The following GYPE variants were observed in gnomAD, a reference collection of about 807,000 sequenced individuals.
GYPE encodes glycophorin E (MNS blood group).
GYPE carries 8 observed loss-of-function variants against 11.6 expected under a neutral mutation model. The observed-to-expected ratio is 0.69, with a 90% CI of 0.41 to 1.25. The LOEUF is 1.25. GYPE is among the 50% of genes most tolerant of loss of function. The pLI is 0.01. For synonymous variants in GYPE, 28 were observed against 29.6 expected, an observed-to-expected ratio of 0.94 and a Z score of 0.18; for missense variants, 90 against 92.8, an observed-to-expected ratio of 0.97 and a Z score of 0.12.
intron 1 of GYPE, among the ~76,000 whole-genome samples, chr4:143,881,770 C>A (rs1744030480): frequency 6.6e-6 from 1 of 152,098 alleles, no homozygotes; most frequent in African/African-American, 2.4e-5. Context: ...AACGTCAGTA[C>A]CCTGAACTCT....
In GYPE at chr4:143,902,336, C is replaced by T. The variant is rs548521609; in HGVS notation, c.37+3135G>A. Among the ~76,000 whole-genome samples the T allele has an allele frequency of 2.6e-3, 104 of 40,136 alleles. No individual in the cohort carries two copies. In the Middle Eastern group the frequency reaches 0.058, roughly 22 times the overall value. 26.3% of individuals were successfully genotyped at this position (40,136 alleles called of 152,430 possible). On this transcript the variant is annotated intron_variant, in intron 1 of 3. Transcript: ENST00000358615. Reference sequence around the variant, plus strand: ...AGCTAGCAAGGCTCTCTTCTTGGATCCCTGAAAAAAAAAAAAAAAAAAGAG... The same window carrying T: ...AGCTAGCAAGGCTCTCTTCTTGGATTCCTGAAAAAAAAAAAAAAAAAAGAG...
chr4:143,897,657 G>A (rs909680920), intron 1 of GYPE, among the ~76,000 whole-genome samples: 4 of 152,064 alleles, frequency 2.6e-5, no homozygotes, highest in African/African-American at 9.7e-5. Flanking sequence ...GATGAACCTG[G>A]TTATACCCTA....
chr4:143,889,339 G>C (rs1039032905), intron 1 of GYPE, among the ~76,000 whole-genome samples: 3 of 152,116 alleles, frequency 2.0e-5, no homozygotes, highest in African/African-American at 7.2e-5. Flanking sequence ...ACATTCTTCA[G>C]CCTGGACAGA....
chr4:143,882,749 T>C (rs901181149), intron 1 of GYPE, among the ~76,000 whole-genome samples: 1 of 152,178 alleles, frequency 6.6e-6, no homozygotes, highest in African/African-American at 2.4e-5. Flanking sequence ...CTCCACTCCT[T>C]CTTTACACCT....
At chr4:143,899,345 T>G (rs1375186548) in intron 1 of GYPE, among the ~76,000 whole-genome samples, 1 of 152,208 alleles carries the variant, frequency 6.6e-6, no homozygotes. Context: ...ACCTGAGACC[T>G]TGCAAAATTA....
rs1273403341 is a variant in GYPE, at chr4:143,872,233, A to C, written c.*29T>G. 3 of 152,404 alleles carry C rather than the reference A, an allele frequency of 2.0e-5. No individual in the cohort carries two copies. Among genetic ancestry groups the C allele is most frequent in the Non-Finnish European group, 4.4e-5 (3 of 68,004 alleles). The allele number at this position is 152,404 out of a possible 1,614,324, so 9.4% of individuals were successfully genotyped here. On this transcript the variant is annotated 3_prime_UTR_variant, in exon 4 of 4. Coordinates refer to ENST00000358615, the MANE Select transcript of GYPE (RefSeq NM_198682.3). Reference sequence around the variant, plus strand: ...TTCTTTGCTTTCTTCCTCTAATCTCAATCCCAGAGGCATGAAAACCTAGAA... The same window carrying C: ...TTCTTTGCTTTCTTCCTCTAATCTCCATCCCAGAGGCATGAAAACCTAGAA...
chr4:143,901,310 T>C (rs1744856506), intron 1 of GYPE, among the ~76,000 whole-genome samples: 2 of 152,148 alleles, frequency 1.3e-5, no homozygotes, highest in Admixed American at 6.6e-5. Flanking sequence ...GAAAGACTTC[T>C]TAGAAAGCAG....
Position 143,878,977 on chromosome 4 carries a change from C to G in GYPE, c.136+1434G>C, listed in dbSNP as rs150164057. On this transcript the variant is annotated intron_variant, in intron 2 of 3. Coordinates refer to ENST00000358615, the MANE Select transcript of GYPE (RefSeq NM_198682.3). The stretch of plus-strand genomic sequence containing the variant: ...TGGAAGAATCACTTATTGACTTCCA[C>G]AAGAAGCAATGCATTTTTAAAAAAT... 4.9e-4 allele frequency among the ~76,000 whole-genome samples: 75 copies of G among 152,214 alleles called. 1 individual carries two copies. The East Asian group carries it at 0.012, about 24-fold the overall frequency.
intron 3 of GYPE, among the ~76,000 whole-genome samples, chr4:143,876,185 T>C (rs1379016354): frequency 6.6e-6 from 1 of 152,010 alleles, no homozygotes; most frequent in Non-Finnish European, 1.5e-5. Context: ...ATGATCACAG[T>C]TCACTGCAGC....
intron 3 of GYPE, among the ~76,000 whole-genome samples, chr4:143,874,044 A>G (rs959710394): frequency 1.5e-4 from 23 of 152,264 alleles, no homozygotes; most frequent in Admixed American, 4.6e-4. Context: ...ATGTAGACTA[A>G]TGTAACTCTG....
intron 1 of GYPE, among the ~76,000 whole-genome samples, chr4:143,902,662 T>TC (rs1744914073): frequency 2.0e-5 from 3 of 151,534 alleles, no homozygotes; most frequent in Non-Finnish European, 2.9e-5. Context: ...TCCCTTCACC[T>TC]CCTTCCTTGC....
chr4:143,890,899 C>T (rs1003509036), intron 1 of GYPE, among the ~76,000 whole-genome samples: 2 of 151,594 alleles, frequency 1.3e-5, no homozygotes, highest in African/African-American at 4.8e-5. Context: ...GTGTGTGAAA[C>T]AGACAGAGTT....
chr4:143,880,075 C>A (rs1219266780), intron 2 of GYPE, among the ~76,000 whole-genome samples: 1 of 152,196 alleles, frequency 6.6e-6, no homozygotes, highest in Non-Finnish European at 1.5e-5. Flanking sequence ...GAGCTGAGCC[C>A]GGGTCTGAGC....
chr4:143,876,953 C>T (rs981983268), intron 2 of GYPE, 98 bp from the exon 3 acceptor site: 9 of 726,546 alleles, frequency 1.2e-5, no homozygotes, highest in Non-Finnish European at 2.3e-5. Flanking sequence ...CATCACCTTG[C>T]CTTTTAATAG....
At chr4:143,902,625 C>G (rs1202878762) in intron 1 of GYPE, among the ~76,000 whole-genome samples, 3 of 151,770 alleles carry the variant, frequency 2.0e-5, no homozygotes, top group Non-Finnish European at 4.4e-5. Flanking sequence ...TCCTTTCTCT[C>G]CCTCTCTGCT....
chr4:143,879,981 A>G (rs1044093390), intron 2 of GYPE, among the ~76,000 whole-genome samples: 2 of 152,108 alleles, frequency 1.3e-5, no homozygotes, highest in Non-Finnish European at 2.9e-5. Flanking sequence ...GCTGTGAGAT[A>G]AGTACTGTGT....
At chr4:143,876,523 G>A (rs1743813958) in intron 3 of GYPE, among the ~76,000 whole-genome samples, 1 of 152,110 alleles carries the variant, frequency 6.6e-6, no homozygotes, top group African/African-American at 2.4e-5. Context: ...CTTTCATTGG[G>A]AAAATGGGGG....
chr4:143,879,003 A>G (rs3775247), intron 2 of GYPE, among the ~76,000 whole-genome samples: 38,482 of 152,114 alleles, frequency 0.25, 5,066 homozygotes, highest in East Asian at 0.36. Context: ...TTTAAAAAAT[A>G]TAAAAATAAT....
At chr4:143,879,373 G>T (rs1159961037) in intron 2 of GYPE, among the ~76,000 whole-genome samples, 1 of 152,184 alleles carries the variant, frequency 6.6e-6, no homozygotes, top group East Asian at 1.9e-4. Flanking sequence ...GTTGTTTGAT[G>T]ATTGAGGATT....
Sources: gnomAD v4.1 joint callset for allele counts (sites outside exome capture counted in the v4.1 genomes callset) on GRCh38, gnomAD v4.1.1 for gene constraint, MANE v1.5 for transcripts, NCBI Gene and HGNC (gene_info 2026-07-23, HGNC 2026-07-21) for gene names.